Variants in NUP42 observed in about 807,000 individuals in gnomAD.
The protein encoded by NUP42 is nucleoporin 42.
Under a neutral mutation model 35.9 loss-of-function variants are expected in NUP42, and 47 were observed. That is an observed-to-expected ratio of 1.31 (90% CI 1.04 to 1.67). The LOEUF is 1.67. Among genes scored for constraint, NUP42 ranks in the 40% most tolerant of loss-of-function variants. The pLI is 0.00. For missense variants in NUP42, 514 were observed against 492.2 expected (o/e 1.04, Z -0.42); for synonymous variants, 173 against 173.3 (o/e 1.00, Z 0.01).
In NUP42 at chr7:23,187,599, C is replaced by CTTTTT. The variant is rs11446033; in HGVS notation, c.445+473_445+477dup. Among the ~76,000 whole-genome samples, 59 of 84,822 alleles carry CTTTTT rather than the reference C, an allele frequency of 7.0e-4. 2 individuals carry two copies. Among genetic ancestry groups the CTTTTT allele is most frequent in the Admixed American group, 2.7e-3 (19 of 7,044 alleles). 55.6% of individuals were successfully genotyped at this position (84,822 alleles called of 152,430 possible). On this transcript the variant is annotated intron_variant, in intron 3 of 6. Transcript: ENST00000258742. ...CTTAGCTGGGCTACAGGGATAGCAACTTTTTTTTTTTTTTTTTTTTTTTTG... is the reference window on the plus strand; with the variant it reads ...CTTAGCTGGGCTACAGGGATAGCAACTTTTTTTTTTTTTTTTTTTTTTTTTTTTTG...
At chr7:23,198,745 G>A (rs934523233) in intron 5 of NUP42, among the ~76,000 whole-genome samples, 2 of 152,184 alleles carry the variant, frequency 1.3e-5, no homozygotes, top group Non-Finnish European at 2.9e-5. Context: ...TTATATAATA[G>A]TGGATCTACT....
In NUP42 at chr7:23,182,190, G is replaced by A; in HGVS notation, c.105G>A (p.Pro35=). ...GTGCAGGAGGAGGACGGCAGCAACC[G>A]CAGCAGCAGCCTTCAGGTGACTCTC... ...ARGAGGGRQQ[P]QQQPSGNNRR... is the part of the protein sequence containing the mutation. The change falls in exon 1 of 7, where the codon CCG becomes CCA. Residue 35 remains proline, a synonymous_variant. Coordinates refer to ENST00000258742, the MANE Select transcript of NUP42 (RefSeq NM_007342.3). The A allele has an allele frequency of 3.7e-6, 6 of 1,611,678 alleles. No individual in the cohort carries two copies. Among genetic ancestry groups the A allele is most frequent in the Non-Finnish European group, 5.1e-6 (6 of 1,178,910 alleles).
chr7:23,187,982 T>TTC (rs1206300445), intron 3 of NUP42: 2 of 826,530 alleles, frequency 2.4e-6, no homozygotes, highest in Non-Finnish European at 3.7e-6. Flanking sequence ...CTTTAGAATA[T>TTC]TCTCTCTCTC....
At chr7:23,193,778 AG>A (rs1463625463) in intron 3 of NUP42, among the ~76,000 whole-genome samples, 2 of 152,182 alleles carry the variant, frequency 1.3e-5, no homozygotes, top group East Asian at 3.8e-4. Flanking sequence ...CCGGTGGAGC[AG>A]GGGGTGGCGC....
In NUP42 at chr7:23,195,822, T is replaced by C. The variant is rs1455113003; in HGVS notation, c.446-17T>C. On this transcript the variant is annotated splice_polypyrimidine_tract_variant and intron_variant, in intron 3 of 6. Transcript: ENST00000258742. ...TTGGCATTTATTTTAAAGATTCCGA[T>C]TGATTCCTCACTTCAGGTTTTACAG... 4 of 1,545,940 alleles carry C rather than the reference T, an allele frequency of 2.6e-6. No individual in the cohort carries two copies. Among genetic ancestry groups the C allele is most frequent in the Admixed American group, 1.8e-5 (1 of 56,636 alleles).
chr7:23,199,518 C>A lies in NUP42; in HGVS notation c.670C>A (p.Gln224Lys). 6.2e-7 allele frequency: 1 copy of A among 1,613,848 alleles called. No individual in the cohort carries two copies. The highest frequency in any genetic ancestry group is 8.5e-7 in the Non-Finnish European group (1 of 1,179,896). ...ACCTGCATTTGGATTTGGCAGCAGTCAAGCAGCAACATTTATGTCGCCAGG... is the reference window on the plus strand; with the variant it reads ...ACCTGCATTTGGATTTGGCAGCAGTAAAGCAGCAACATTTATGTCGCCAGG... ...AAPAFGFGSS[Q>K]AATFMSPGFP... is the part of the protein sequence containing the mutation. The change falls in exon 6 of 7, where the codon CAA (glutamine) becomes AAA (lysine). Residue 224 changes from glutamine (Q) to lysine (K), a missense_variant. Transcript: ENST00000258742.
In NUP42 at chr7:23,187,038, T is replaced by C; in HGVS notation, c.351-14T>C. The C allele has an allele frequency of 6.5e-7, 1 of 1,546,018 alleles. No homozygotes were observed. Among genetic ancestry groups the C allele is most frequent in the Non-Finnish European group, 8.7e-7 (1 of 1,143,174 alleles). On this transcript the variant is annotated splice_polypyrimidine_tract_variant and intron_variant, in intron 2 of 6. Coordinates refer to ENST00000258742, the MANE Select transcript of NUP42 (RefSeq NM_007342.3). Reference sequence around the variant, plus strand: ...GAAGATCCTTTACTCTTTTTTTTTTTTTCTTTTTTGCAGGGAAGGAATTGT... The same window carrying C: ...GAAGATCCTTTACTCTTTTTTTTTTCTTCTTTTTTGCAGGGAAGGAATTGT...
rs1194769508 is a variant in NUP42 at position 23,200,255 on chromosome 7, G to A, written c.782G>A (p.Ser261Asn). ...GGATTTGCTGCTGCCTCTTCTGGAA[G>A]CCCTGCTGGTTTTGGGAGTTCCCCA... is the stretch of plus-strand genomic sequence containing the variant. ...NSGFAAASSGSPAGFGSSPAF... is the reference protein window; with the variant it reads ...NSGFAAASSGNPAGFGSSPAF... Residue 261 changes from serine to asparagine, a missense_variant, in exon 7 of 7, where the codon AGC (serine) becomes AAC (asparagine). By Grantham distance (46) the Ser-to-Asn change is conservative. Coordinates refer to ENST00000258742, the MANE Select transcript of NUP42 (RefSeq NM_007342.3). 1 of 1,603,374 alleles carries A rather than the reference G, an allele frequency of 6.2e-7. No individual in the cohort carries two copies. Among genetic ancestry groups the A allele is most frequent in the Non-Finnish European group, 8.5e-7 (1 of 1,173,346 alleles).
intron 3 of NUP42, chr7:23,188,346 TTACATTCTTGAGGGA>T: frequency 8.8e-7 from 1 of 1,130,224 alleles, no homozygotes; most frequent in Non-Finnish European, 1.1e-6. Context: ...CTTATGAATC[TTACATTCTTGAGGGA>T]GGAAAACAAT....
Position 23,185,051 on chromosome 7 carries a change from G to T in NUP42, c.122-19G>T. The T allele has an allele frequency of 6.4e-7, 1 of 1,574,208 alleles. No individual in the cohort carries two copies. Among genetic ancestry groups the T allele is most frequent in the Non-Finnish European group, 8.7e-7 (1 of 1,155,274 alleles). ...GAAAAGTTGCTAGTAAAATTATTTT[G>T]TTTTATTGTTTATTTTAGGTAATAA... is the stretch of plus-strand genomic sequence containing the variant. On this transcript the variant is annotated intron_variant, in intron 1 of 6. Coordinates refer to ENST00000258742, the MANE Select transcript of NUP42 (RefSeq NM_007342.3).
chr7:23,188,263 C>A, intron 3 of NUP42: 1 of 1,234,868 alleles, frequency 8.1e-7, no homozygotes, highest in Non-Finnish European at 1.0e-6. Context: ...GTCCATTTAA[C>A]AAATATTTAC....
At chr7:23,196,333 T>C (rs1263059111) in intron 4 of NUP42, 1 of 222,124 alleles carries the variant, frequency 4.5e-6, no homozygotes, top group Admixed American at 5.4e-5. Flanking sequence ...ATAAGTTGAG[T>C]ACCTGAAGGA....
rs373363122 is a variant in NUP42 at position 23,185,248 on chromosome 7, C to T, written c.300C>T (p.Asn100=). 44 of 1,613,972 alleles carry T rather than the reference C, an allele frequency of 2.7e-5. No individual in the cohort carries two copies. The highest frequency in any genetic ancestry group is 4.0e-5 in the African/African-American group (3 of 74,890). The change falls in exon 2 of 7, where the codon AAC becomes AAT. Residue 100 remains asparagine, a synonymous_variant. Coordinates refer to ENST00000258742, the MANE Select transcript of NUP42 (RefSeq NM_007342.3). ...AGGAAGGCTTTGGATTGTCTGAGAA[C>T]CCATTTGCTTCACTTAGTCCTGATG... ...NRKEGFGLSE[N]PFASLSPDEQ...
intron 3 of NUP42, among the ~76,000 whole-genome samples, chr7:23,192,649 T>A (rs1041380598): frequency 1.3e-5 from 2 of 152,048 alleles, no homozygotes; most frequent in African/African-American, 4.8e-5. Context: ...ATCCTTATTG[T>A]CTTTATGTTG....
chr7:23,197,585 G>A lies in NUP42; in HGVS notation c.609+819G>A, dbSNP rs932047741. The stretch of plus-strand genomic sequence containing the variant: ...GGTGGCCCACCATCACCATGGATGA[G>A]AGCTGATGGAGAAAGGATAACTGAG... On this transcript the variant is annotated intron_variant, in intron 5 of 6. Transcript: ENST00000258742. Among the ~76,000 whole-genome samples the A allele has an allele frequency of 3.9e-5, 6 of 152,332 alleles. No individual in the cohort carries two copies. In the East Asian group the frequency reaches 1.2e-3, roughly 29 times the overall value.
At chr7:23,187,002 C>G (rs748906941) in intron 2 of NUP42, 50 bp from the exon 3 acceptor site, 2 of 1,225,132 alleles carry the variant, frequency 1.6e-6, no homozygotes, top group Non-Finnish European at 2.3e-6. Flanking sequence ...TAAATTTTAC[C>G]AAGCAGCTAA....
At chr7:23,190,097 G>A (rs1253150678) in intron 3 of NUP42, among the ~76,000 whole-genome samples, 2 of 152,096 alleles carry the variant, frequency 1.3e-5, no homozygotes, top group Non-Finnish European at 2.9e-5. Context: ...GCCACAAAAA[G>A]TTCATTAGTA....
intron 3 of NUP42, among the ~76,000 whole-genome samples, chr7:23,194,238 G>A (rs964674911): frequency 7.2e-5 from 11 of 152,380 alleles, no homozygotes; most frequent in Admixed American, 5.9e-4. Context: ...GGTAGAGGAG[G>A]TACCCAGAGC....
Position 23,200,794 on chromosome 7 carries a change from G to C in NUP42, c.*49G>C. On this transcript the variant is annotated 3_prime_UTR_variant, in exon 7 of 7. Transcript: ENST00000258742. ...AGAATGATGTTTAAAATTGCTTTGAGTGATTCATACAGAGATGTATATATG... is the reference window on the plus strand; with the variant it reads ...AGAATGATGTTTAAAATTGCTTTGACTGATTCATACAGAGATGTATATATG... 1 of 1,275,112 alleles carries C rather than the reference G, an allele frequency of 7.8e-7. No homozygotes were observed. The highest frequency in any genetic ancestry group is 1.1e-6 in the Non-Finnish European group (1 of 925,082). 79.0% of individuals were successfully genotyped at this position (1,275,112 alleles called of 1,614,324 possible).
Sources: allele counts gnomAD v4.1 joint callset (sites outside exome capture counted in the v4.1 genomes callset), GRCh38; gene constraint gnomAD v4.1.1; transcripts MANE v1.5; gene names NCBI Gene and HGNC (gene_info 2026-07-23, HGNC 2026-07-21).